Variants in FAM120C observed in about 807,000 individuals in gnomAD.
FAM120C encodes family with sequence similarity 120 member C, also known as constitutive coactivator of PPAR-gamma-like protein 2.
Under a neutral mutation model 71.2 loss-of-function variants are expected in FAM120C, and 14 were observed. That is an observed-to-expected ratio of 0.20 (90% CI 0.13 to 0.31). FAM120C has a LOEUF of 0.31. FAM120C is among the 10% of genes least tolerant of loss of function. FAM120C has a pLI of 1.00. For missense variants in FAM120C, 500 were observed against 879.0 expected, an observed-to-expected ratio of 0.57 and a Z score of 5.45; for synonymous variants, 354 against 353.2, an observed-to-expected ratio of 1.00 and a Z score of -0.03.
At position 54,182,891 on chromosome X, in the gene FAM120C, G is replaced by A. The variant is rs1269899479; in HGVS notation, c.308C>T (p.Pro103Leu). The A allele has an allele frequency of 8.9e-7, 1 of 1,124,582 alleles. No homozygotes were observed. Among genetic ancestry groups the A allele is most frequent in the Non-Finnish European group, 1.2e-6 (1 of 849,490 alleles). The allele number at this position is 1,124,582 out of a possible 1,213,427, so 92.7% of individuals were successfully genotyped here. A position where few individuals can be genotyped will look rare whatever the true frequency, so the allele number is the denominator to read the frequency against. ...AGGGGGCGGCGGCGGCGGCAGCGGAGGGTGCAGCCCGGGCTGCGCTTGGCC... is the reference window on the plus strand; with the variant it reads ...AGGGGGCGGCGGCGGCGGCAGCGGAAGGTGCAGCCCGGGCTGCGCTTGGCC... ...HHGQAQPGLH[P>L]PLPPPPPPQL... Residue 103 changes from proline (P) to leucine (L), a missense_variant, in exon 1 of 16, where the codon CCT becomes CTT. Transcript: ENST00000375180.
chrX:54,097,567 T>C (rs1175118221), intron 10 of FAM120C, among the ~76,000 whole-genome samples: 3 of 112,121 alleles, frequency 2.7e-5, no homozygotes, highest in Non-Finnish European at 5.6e-5. Flanking sequence ...TCTAAGTCTT[T>C]ATATATTGTG....
rs1345045176 is a variant in FAM120C, at chrX:54,148,606, G to A, written c.1158+2639C>T. On this transcript the variant is annotated intron_variant, in intron 4 of 15. Transcript: ENST00000375180. ...AGGCTGCAGTGAGCAGAGGTCGTGC[G>A]ACTACACACCAGCCTGGGCAATAAA... Among the ~76,000 whole-genome samples, 5 of 111,559 alleles carry A rather than the reference G, an allele frequency of 4.5e-5. 1 individual carries two copies. In the Admixed American group the frequency reaches 4.8e-4, roughly 11 times the overall value.
intron 13 of FAM120C, among the ~76,000 whole-genome samples, chrX:54,082,187 CAAA>C (rs781909786): frequency 5.2e-5 from 2 of 38,192 alleles, no homozygotes. Context: ...GACTCTGTCT[CAAA>C]AAAAAAAAAA....
At chrX:54,144,033 C>T (rs1557132082) in intron 4 of FAM120C, among the ~76,000 whole-genome samples, 1 of 111,735 alleles carries the variant, frequency 8.9e-6, no homozygotes, top group Non-Finnish European at 1.9e-5. Context: ...AAACGCAATC[C>T]ATCATATAAA....
In FAM120C at chrX:54,085,930, A is replaced by G. The variant is rs2066792164; in HGVS notation, c.2638-14T>C. ...TGCCAGGTCAGCCTTCAAATGAGGA[A>G]GAGTAATAATAGCAGCTGCCATTTT... On this transcript the variant is annotated splice_polypyrimidine_tract_variant and intron_variant, in intron 12 of 15. Coordinates refer to ENST00000375180, the MANE Select transcript of FAM120C (RefSeq NM_017848.6). The G allele has an allele frequency of 8.3e-7, 1 of 1,204,508 alleles. No homozygotes were observed. Among genetic ancestry groups the G allele is most frequent in the East Asian group, 3.0e-5 (1 of 33,814 alleles).
At chrX:54,075,207 G>A (rs142209760) in intron 15 of FAM120C, among the ~76,000 whole-genome samples, 137 of 111,634 alleles carry the variant, frequency 1.2e-3, no homozygotes, top group African/African-American at 4.3e-3. Context: ...TTTACTATTA[G>A]TCCTCATGTA....
chrX:54,093,277 A>ACCTAAAGGAGCT (rs1296722462), intron 10 of FAM120C, among the ~76,000 whole-genome samples: 1 of 111,975 alleles, frequency 8.9e-6, no homozygotes, highest in Non-Finnish European at 1.9e-5. Context: ...AGAAAAATTG[A>ACCTAAAGGAGCT]CCTAAAGGAG....
chrX:54,068,789 C>CAGAACAGAATAGAATAGAAT lies in FAM120C; in HGVS notation c.*4243_*4244insATTCTATTCTATTCTGTTCT, dbSNP rs60166177. The CAGAACAGAATAGAATAGAAT allele has an allele frequency of 3.5e-3, 363 of 103,227 alleles. 6 individuals are homozygous for CAGAACAGAATAGAATAGAAT. Among genetic ancestry groups the CAGAACAGAATAGAATAGAAT allele is most frequent in the African/African-American group, 0.013 (336 of 25,142 alleles). 8.5% of individuals were successfully genotyped at this position (103,227 alleles called of 1,213,427 possible). A position where few individuals can be genotyped will look rare whatever the true frequency, so the allele number is the denominator to read the frequency against. ...AAAAACAGAATAGAACAGAATAGAA[C>CAGAACAGAATAGAATAGAAT]AGAATAGAATAGAATAGAATAGAAT... On this transcript the variant is annotated 3_prime_UTR_variant, in exon 16 of 16. Coordinates refer to ENST00000375180, the MANE Select transcript of FAM120C (RefSeq NM_017848.6).
intron 9 of FAM120C, among the ~76,000 whole-genome samples, chrX:54,131,503 A>T (rs1557129304): frequency 9.4e-6 from 1 of 106,401 alleles, no homozygotes; most frequent in African/African-American, 3.5e-5. Flanking sequence ...CAATGGCACG[A>T]TCTCGGCTCA....
chrX:54,091,803 G>A (rs1306339858), intron 10 of FAM120C, among the ~76,000 whole-genome samples: 1 of 111,802 alleles, frequency 8.9e-6, no homozygotes, highest in Non-Finnish European at 1.9e-5. Context: ...GGATGTTCCA[G>A]GTTGAGCGAA....
At chrX:54,118,122 C>G (rs2066982124) in intron 9 of FAM120C, among the ~76,000 whole-genome samples, 1 of 109,099 alleles carries the variant, frequency 9.2e-6, no homozygotes, top group South Asian at 4.0e-4. Context: ...ACTCGAGAGG[C>G]TGAGGCAGGA....
At chrX:54,117,354 AAAAATAAAAT>A (rs140650427) in intron 9 of FAM120C, among the ~76,000 whole-genome samples, 732 of 60,330 alleles carry the variant, frequency 0.012, 14 homozygotes, top group African/African-American at 0.038. Context: ...TCCTGTCTCT[AAAAATAAAAT>A]AAAATAAAAT....
chrX:54,087,614 T>C (rs1171540143), intron 12 of FAM120C, 141 bp downstream of exon 12: 3 of 555,490 alleles, frequency 5.4e-6, no homozygotes, highest in African/African-American at 4.7e-5. Context: ...GGGACCACTG[T>C]TGACTGAGTC....
intron 10 of FAM120C, among the ~76,000 whole-genome samples, chrX:54,108,961 C>G (rs1167653771): frequency 1.5e-5 from 1 of 67,852 alleles, no homozygotes; most frequent in East Asian, 4.7e-4. Context: ...TACAAGGGAC[C>G]CTGCTGTGGT....
At chrX:54,137,346 T>A (rs782033333) in intron 4 of FAM120C, among the ~76,000 whole-genome samples, 1 of 112,339 alleles carries the variant, frequency 8.9e-6, no homozygotes, top group South Asian at 3.7e-4. Context: ...ATAATAGGCA[T>A]GAACCACTGT....
chrX:54,151,292 G>C lies in FAM120C; in HGVS notation c.1111C>G (p.Pro371Ala), dbSNP rs1557132968. 2.5e-6 allele frequency: 3 copies of C among 1,210,532 alleles called. No homozygotes were observed. Among genetic ancestry groups the C allele is most frequent in the Non-Finnish European group, 3.4e-6 (3 of 894,881 alleles). Residue 371 changes from proline to alanine, a missense_variant, in exon 4 of 16, where the codon CCC becomes GCC. Pro to Ala is a conservative substitution (Grantham distance 27). Coordinates refer to ENST00000375180, the MANE Select transcript of FAM120C (RefSeq NM_017848.6). ...VSEYVSSIKD[P>A]SNLDVVGKDV... The stretch of plus-strand genomic sequence containing the variant: ...TTCCCAACTACATCCAGGTTTGAGG[G>C]ATCTTTGATGGAACTGACATACTCA...
At chrX:54,077,511 C>T (rs2066741425) in intron 15 of FAM120C, among the ~76,000 whole-genome samples, 1 of 110,414 alleles carries the variant, frequency 9.1e-6, no homozygotes, top group Non-Finnish European at 1.9e-5. Flanking sequence ...AAAACCCCAT[C>T]TCTACAAAAA....
chrX:54,166,532 C>T lies in FAM120C; in HGVS notation c.700-6916G>A, dbSNP rs1326608109. ...TAATTAATTGCCCATCAATAAGGGA[C>T]GAGTTAAGTAAATCATAATGTATAC... On this transcript the variant is annotated intron_variant, in intron 1 of 15. Transcript: ENST00000375180. Among the ~76,000 whole-genome samples the T allele has an allele frequency of 9.0e-5, 10 of 111,204 alleles. No individual in the cohort carries two copies. The East Asian group carries it at 2.0e-3, about 22-fold the overall frequency.
At position 54,182,621 on chromosome X, in the gene FAM120C, G is replaced by A; in HGVS notation, c.578C>T (p.Thr193Ile). Residue 193 changes from threonine (T) to isoleucine (I), a missense_variant, in exon 1 of 16, where the codon ACA becomes ATA. Physicochemically the swap from Thr to Ile is moderately conservative, Grantham distance 89 (BLOSUM62 -1). Transcript: ENST00000375180. ...CACGTGTCCCACGATCAGTTGCGCT[G>A]TCTGCCGCTCGGCCTGGCACCGACG... The part of the protein sequence containing the change: ...WGRRCQAERQ[T>I]AQLIVGHVGN... 4.1e-6 allele frequency: 5 copies of A among 1,207,970 alleles called. No homozygotes were observed. Among genetic ancestry groups the A allele is most frequent in the Non-Finnish European group, 5.6e-6 (5 of 894,296 alleles).
Sources: gnomAD v4.1 joint callset for allele counts (sites outside exome capture counted in the v4.1 genomes callset) on GRCh38, gnomAD v4.1.1 for gene constraint, MANE v1.5 for transcripts, NCBI Gene and HGNC (gene_info 2026-07-23, HGNC 2026-07-21) for gene names.